The following TEAD1 variants were observed in gnomAD, a reference collection of about 807,000 sequenced individuals.
TEAD1 encodes the protein transcriptional enhancer factor TEF-1.
Under a neutral mutation model 54.9 loss-of-function variants are expected in TEAD1, and 9 were observed. That is an observed-to-expected ratio of 0.16 (90% CI 0.10 to 0.29). TEAD1 has a LOEUF of 0.29. TEAD1 is among the 10% of genes least tolerant of loss of function. The pLI is 1.00. For synonymous variants in TEAD1, 200 were observed against 187.8 expected, an observed-to-expected ratio of 1.07 and a Z score of -0.53; for missense variants, 387 against 535.9, an observed-to-expected ratio of 0.72 and a Z score of 2.74.
chr11:12,880,355 C>T (rs1487065742), intron 6 of TEAD1, among the ~76,000 whole-genome samples: 1 of 152,210 alleles, frequency 6.6e-6, no homozygotes, highest in Non-Finnish European at 1.5e-5. Flanking sequence ...ATTGTCATTG[C>T]CATTTTGCAG....
intron 3 of TEAD1, among the ~76,000 whole-genome samples, chr11:12,824,282 T>C (rs1470352812): frequency 1.3e-5 from 2 of 152,196 alleles, no homozygotes; most frequent in Non-Finnish European, 2.9e-5. Flanking sequence ...ACAGTAAATA[T>C]TCAGCCGTTG....
intron 2 of TEAD1, among the ~76,000 whole-genome samples, chr11:12,685,677 GT>G (rs1943316901): frequency 1.3e-5 from 2 of 152,172 alleles, no homozygotes; most frequent in Admixed American, 1.3e-4. Flanking sequence ...GAAATAATCA[GT>G]TTCAATAATG....
chr11:12,712,315 A>G (rs781768789), intron 2 of TEAD1, among the ~76,000 whole-genome samples: 1 of 152,172 alleles, frequency 6.6e-6, no homozygotes, highest in African/African-American at 2.4e-5. Context: ...CACTCTGACT[A>G]TGGCCTCTGG....
chr11:12,808,400 G>T (rs1050047948), intron 3 of TEAD1, among the ~76,000 whole-genome samples: 1 of 152,170 alleles, frequency 6.6e-6, no homozygotes, highest in Non-Finnish European at 1.5e-5. Flanking sequence ...TGATGTAAGG[G>T]TCTGACCAAC....
chr11:12,816,431 G>C (rs143862852), intron 3 of TEAD1, among the ~76,000 whole-genome samples: 5 of 152,302 alleles, frequency 3.3e-5, no homozygotes, highest in African/African-American at 1.2e-4. Flanking sequence ...TCTTTTTCCA[G>C]GGGATTTCAG....
intron 11 of TEAD1, among the ~76,000 whole-genome samples, chr11:12,928,210 A>G (rs2134166912): frequency 6.6e-6 from 1 of 150,982 alleles, no homozygotes; most frequent in African/African-American, 2.4e-5. Context: ...GTTGCATTCT[A>G]TTTGCTGATA....
intron 2 of TEAD1, among the ~76,000 whole-genome samples, chr11:12,682,603 C>T (rs1478931564): frequency 6.6e-6 from 1 of 152,066 alleles, no homozygotes; most frequent in Non-Finnish European, 1.5e-5. Context: ...TCATTTTTTC[C>T]TTCCTTGTCT....
intron 3 of TEAD1, among the ~76,000 whole-genome samples, chr11:12,859,413 A>G (rs1480682792): frequency 6.6e-6 from 1 of 152,214 alleles, no homozygotes; most frequent in East Asian, 1.9e-4. Context: ...CCTGAACAGG[A>G]TGCACAGTGA....
intron 3 of TEAD1, among the ~76,000 whole-genome samples, chr11:12,818,369 G>A (rs1005331925): frequency 6.6e-6 from 1 of 152,124 alleles, no homozygotes; most frequent in African/African-American, 2.4e-5. Context: ...TTATAAATAT[G>A]TTTTGAAAAG....
intron 2 of TEAD1, among the ~76,000 whole-genome samples, chr11:12,761,088 G>T (rs1564931033): frequency 6.6e-6 from 1 of 152,144 alleles, no homozygotes; most frequent in Admixed American, 6.5e-5. Flanking sequence ...CTTTTCCTTT[G>T]CAGTAAACGA....
intron 2 of TEAD1, among the ~76,000 whole-genome samples, chr11:12,706,827 T>C (rs1228810871): frequency 1.3e-5 from 2 of 152,086 alleles, no homozygotes; most frequent in African/African-American, 4.8e-5. Context: ...GTGGGGGTGA[T>C]AGTCATATCC....
chr11:12,870,997 T>A (rs577712216), intron 5 of TEAD1, among the ~76,000 whole-genome samples: 1 of 152,334 alleles, frequency 6.6e-6, no homozygotes, highest in Admixed American at 6.5e-5. Context: ...GAGTGCTATG[T>A]GTTTGTCTCC....
intron 10 of TEAD1, among the ~76,000 whole-genome samples, chr11:12,922,192 C>CTTTTT (rs756723520): frequency 3.2e-5 from 3 of 94,516 alleles, no homozygotes; most frequent in Non-Finnish European, 6.3e-5. Context: ...ACATGGTTCT[C>CTTTTT]TTTTTTTTTT....
At chr11:12,753,518 G>A (rs1219260067) in intron 2 of TEAD1, among the ~76,000 whole-genome samples, 3 of 152,142 alleles carry the variant, frequency 2.0e-5, no homozygotes, top group Admixed American at 1.3e-4. Flanking sequence ...AACTAGGCAT[G>A]TTGAACACCT....
chr11:12,893,099 A>G (rs1259626370), intron 9 of TEAD1, among the ~76,000 whole-genome samples: 1 of 152,202 alleles, frequency 6.6e-6, no homozygotes, highest in East Asian at 1.9e-4. Context: ...TAGATATTCT[A>G]ACCCAGGTGT....
chr11:12,764,120 C>A, intron 2 of TEAD1, 59 bp from the exon 3 acceptor site: 3 of 1,097,892 alleles, frequency 2.7e-6, no homozygotes, highest in Non-Finnish European at 3.9e-6. Context: ...CTAGAGCTAG[C>A]AAGAGCATTA....
At chr11:12,766,189 A>G (rs1481252347) in intron 3 of TEAD1, among the ~76,000 whole-genome samples, 1 of 152,222 alleles carries the variant, frequency 6.6e-6, no homozygotes, top group Non-Finnish European at 1.5e-5. Context: ...CTGTCCTTTC[A>G]GGAATAAGGT....
intron 2 of TEAD1, among the ~76,000 whole-genome samples, chr11:12,750,466 C>G (rs1944847752): frequency 6.6e-6 from 1 of 152,116 alleles, no homozygotes. Flanking sequence ...TGGCCTTGGA[C>G]CATACTGAAA....
Position 12,837,361 on chromosome 11 carries a change from T to A in TEAD1, c.203-24889T>A, listed in dbSNP as rs569507205. The stretch of plus-strand genomic sequence containing the variant: ...CCCCTGCCCTGGGCCAGGCATCGGG[T>A]CCTCAGTAACGGACAGGGCAGTTTT... On this transcript the variant is annotated intron_variant, in intron 3 of 12. Transcript: ENST00000527636. Among the ~76,000 whole-genome samples the A allele has an allele frequency of 1.2e-4, 19 of 152,234 alleles. No homozygotes were observed. In the South Asian group the frequency reaches 3.9e-3, roughly 32 times the overall value.
Sources: allele counts gnomAD v4.1 joint callset (sites outside exome capture counted in the v4.1 genomes callset), GRCh38; gene constraint gnomAD v4.1.1; transcripts MANE v1.5; gene names NCBI Gene and HGNC (gene_info 2026-07-23, HGNC 2026-07-21).